Variants in CEP128 observed in about 807,000 individuals in gnomAD.
The protein encoded by CEP128 is centrosomal protein 128.
Under a neutral mutation model 156.7 loss-of-function variants are expected in CEP128, and 132 were observed. The ratio of observed to expected loss-of-function variants is 0.84; its 90% CI spans 0.73 to 0.97. The LOEUF is 0.97. CEP128 is among the 50% of genes least tolerant of loss of function. The probability of loss-of-function intolerance (pLI) is 0.00; values close to 1 mark genes in which losing one functional copy is unlikely to be tolerated. For synonymous variants in CEP128, 469 were observed against 448.9 expected, an observed-to-expected ratio of 1.04 and a Z score of -0.57; for missense variants, 1,252 against 1,281.9, an observed-to-expected ratio of 0.98 and a Z score of 0.36.
At chr14:80,564,616 C>T (rs4899775) in intron 20 of CEP128, among the ~76,000 whole-genome samples, 151,311 of 152,348 alleles carry the variant, frequency 0.99, 75,153 homozygotes, top group Middle Eastern at 1. Context: ...TCCTTGTTCA[C>T]TCCTGGGTGT....
At chr14:80,836,758 A>C (rs1487361441) in intron 11 of CEP128, among the ~76,000 whole-genome samples, 1 of 152,252 alleles carries the variant, frequency 6.6e-6, no homozygotes, top group Non-Finnish European at 1.5e-5. Flanking sequence ...CATGCTCAAA[A>C]TAAGTATGTA....
intron 9 of CEP128, among the ~76,000 whole-genome samples, chr14:80,845,853 G>A (rs76320774): frequency 6.6e-6 from 1 of 152,108 alleles, no homozygotes; most frequent in African/African-American, 2.4e-5. Context: ...ATGGAAATGG[G>A]CTTTATAAAC....
intron 16 of CEP128, among the ~76,000 whole-genome samples, chr14:80,773,695 C>T (rs1900637820): frequency 6.6e-6 from 1 of 152,124 alleles, no homozygotes; most frequent in Middle Eastern, 3.2e-3. Context: ...CAATTATGCA[C>T]TAACACTTGT....
intron 8 of CEP128, among the ~76,000 whole-genome samples, chr14:80,891,433 T>C (rs1354082576): frequency 6.6e-6 from 1 of 152,078 alleles, no homozygotes; most frequent in Non-Finnish European, 1.5e-5. Flanking sequence ...GCCATTATGT[T>C]AAGTGAAATA....
rs776302047 is a variant in CEP128 at position 80,677,628 on chromosome 14, TA to T, written c.2806+65446del. Among the ~76,000 whole-genome samples, 193 of 149,380 alleles carry T rather than the reference TA, an allele frequency of 1.3e-3. 1 individual carries two copies. The highest frequency in any genetic ancestry group is 9.6e-3 in the East Asian group (49 of 5,104). On this transcript the variant is annotated intron_variant, in intron 19 of 24. Coordinates refer to ENST00000555265, the MANE Select transcript of CEP128 (RefSeq NM_152446.5). Reference sequence around the variant, plus strand: ...TGAAAGACAAGTAATGCTACTTAGTTAAAAAAAAAATCACTTAAGGAAGTTG... The same window carrying T: ...TGAAAGACAAGTAATGCTACTTAGTTAAAAAAAAATCACTTAAGGAAGTTG...
intron 23 of CEP128, among the ~76,000 whole-genome samples, chr14:80,521,347 A>G (rs1171721604): frequency 6.6e-6 from 1 of 152,174 alleles, no homozygotes; most frequent in Non-Finnish European, 1.5e-5. Context: ...TTGGAAGGGT[A>G]AAAGCATGTG....
upstream of CEP128, among the ~76,000 whole-genome samples, chr14:80,944,517 T>G: frequency 6.6e-6 from 1 of 150,652 alleles, no homozygotes; most frequent in Non-Finnish European, 1.5e-5. Flanking sequence ...TGCAGAACTG[T>G]AAGTCAATCA....
At chr14:80,617,793 T>C (rs1263506379) in intron 19 of CEP128, among the ~76,000 whole-genome samples, 1 of 151,350 alleles carries the variant, frequency 6.6e-6, no homozygotes, top group Non-Finnish European at 1.5e-5. Flanking sequence ...GGCGAGACCC[T>C]GTCTCCACAA....
chr14:80,594,320 C>A (rs985415251), intron 19 of CEP128, among the ~76,000 whole-genome samples: 5 of 152,132 alleles, frequency 3.3e-5, no homozygotes, highest in Non-Finnish European at 7.4e-5. Context: ...CAAAAATTAA[C>A]TCCAGATGAA....
At chr14:80,626,913 C>T (rs989977368) in intron 19 of CEP128, among the ~76,000 whole-genome samples, 20 of 152,192 alleles carry the variant, frequency 1.3e-4, no homozygotes. Flanking sequence ...GCCTGGGCAA[C>T]AGAGCAGGAC....
At chr14:80,801,057 A>G (rs1298374688) in intron 13 of CEP128, among the ~76,000 whole-genome samples, 1 of 152,170 alleles carries the variant, frequency 6.6e-6, no homozygotes, top group Non-Finnish European at 1.5e-5. Context: ...GTGGCTGATT[A>G]TGACAAGTAA....
intron 19 of CEP128, among the ~76,000 whole-genome samples, chr14:80,673,671 A>AAAAAAAATT (rs1895944752): frequency 6.9e-6 from 1 of 145,920 alleles, no homozygotes; most frequent in Non-Finnish European, 1.5e-5. Flanking sequence ...AAAAAAAAAA[A>AAAAAAAATT]TGTACTAAAG....
In CEP128 at chr14:80,713,600, A is replaced by G. The variant is rs191989894; in HGVS notation, c.2806+29475T>C. 3.2e-3 allele frequency among the ~76,000 whole-genome samples: 480 copies of G among 152,192 alleles called. 5 individuals are homozygous for G. The highest frequency in any genetic ancestry group is 4.0e-3 in the Non-Finnish European group (274 of 67,986). On this transcript the variant is annotated intron_variant, in intron 19 of 24. Transcript: ENST00000555265. ...ACACATACAAAGCTGTATTAAAGTA[A>G]GTATCTACACTAGTGGACTGTAGCA...
rs1888536346 is a variant in CEP128 at position 80,881,182 on chromosome 14, A to G, written c.645+14536T>C. Among the ~76,000 whole-genome samples the G allele has an allele frequency of 3.9e-5, 6 of 152,166 alleles. No individual in the cohort carries two copies. The South Asian group carries it at 1.2e-3, about 32-fold the overall frequency. ...ATAAAATTGACAAACCTTTAGTCAA[A>G]CTAAGAAAAAAATAGAGAAGATCCA... On this transcript the variant is annotated intron_variant, in intron 8 of 24. Coordinates refer to ENST00000555265, the MANE Select transcript of CEP128 (RefSeq NM_152446.5).
intron 18 of CEP128, among the ~76,000 whole-genome samples, chr14:80,754,530 T>C (rs1899549081): frequency 6.8e-6 from 1 of 147,112 alleles, no homozygotes; most frequent in African/African-American, 2.7e-5. Context: ...TGGCACAATC[T>C]TGGCTCACTG....
intron 14 of CEP128, among the ~76,000 whole-genome samples, chr14:80,788,717 C>A (rs1901550129): frequency 6.6e-6 from 1 of 152,140 alleles, no homozygotes; most frequent in Non-Finnish European, 1.5e-5. Flanking sequence ...ATGATCCTCT[C>A]TTGCCCCTTA....
At chr14:80,489,127 A>T (rs1308541578), downstream of CEP128, among the ~76,000 whole-genome samples, 3 of 151,992 alleles carry the variant, frequency 2.0e-5, no homozygotes, top group Non-Finnish European at 4.4e-5. Flanking sequence ...TAAAACTTAA[A>T]GTATAATAAT....
Position 80,678,049 on chromosome 14 carries a change from A to AAAAAAATAT in CEP128, c.2806+65025_2806+65026insATATTTTTT. Reference sequence around the variant, plus strand: ...ATGGACAGTTGCTCTATAAAAAAAAAATATATATATATATGTATATATATA... The same window carrying AAAAAAATAT: ...ATGGACAGTTGCTCTATAAAAAAAAAAAAAAATATATATATATATATATGTATATATATA... On this transcript the variant is annotated intron_variant, in intron 19 of 24. Coordinates refer to ENST00000555265, the MANE Select transcript of CEP128 (RefSeq NM_152446.5). Among the ~76,000 whole-genome samples the AAAAAAATAT allele has an allele frequency of 5.6e-3, 548 of 98,490 alleles. 11 individuals carry two copies. The highest frequency in any genetic ancestry group is 0.012 in the African/African-American group (382 of 31,756). 64.6% of individuals were successfully genotyped at this position (98,490 alleles called of 152,430 possible). A position where few individuals can be genotyped will look rare whatever the true frequency, so the allele number is the denominator to read the frequency against.
intron 19 of CEP128, among the ~76,000 whole-genome samples, chr14:80,641,865 G>T (rs542247133): frequency 6.6e-6 from 1 of 151,882 alleles, no homozygotes; most frequent in Non-Finnish European, 1.5e-5. Context: ...CAAGGCGGGT[G>T]GATCATGAGG....
Sources: gnomAD v4.1 joint callset for allele counts (sites outside exome capture counted in the v4.1 genomes callset) on GRCh38, gnomAD v4.1.1 for gene constraint, MANE v1.5 for transcripts, NCBI Gene and HGNC (gene_info 2026-07-23, HGNC 2026-07-21) for gene names.